Variants in NDUFA10 observed in about 807,000 individuals in gnomAD.
NDUFA10 encodes the protein NADH:ubiquinone oxidoreductase subunit A10, also known as NADH dehydrogenase [ubiquinone] 1 alpha subcomplex subunit 10, mitochondrial.
NDUFA10 carries 40 observed loss-of-function variants against 47.8 expected under a neutral mutation model. The ratio of observed to expected loss-of-function variants is 0.84; its 90% confidence interval spans 0.65 to 1.09. NDUFA10 has a LOEUF of 1.09. Among genes scored for constraint, NDUFA10 ranks in the 50% least tolerant of loss-of-function variants. NDUFA10 has a pLI of 0.00. For synonymous variants in NDUFA10, 183 were observed against 172.2 expected, an observed-to-expected ratio of 1.06 and a Z score of -0.49; for missense variants, 413 against 451.1, an observed-to-expected ratio of 0.92 and a Z score of 0.76.
Position 239,959,261 on chromosome 2 carries a change from G to A in NDUFA10, c.*1857C>T, listed in dbSNP as rs1416613544. 1 of 985,336 alleles carries A rather than the reference G, an allele frequency of 1.0e-6. No individual in the cohort carries two copies. The highest frequency in any genetic ancestry group is 1.7e-5 in the African/African-American group (1 of 57,252). 61.0% of individuals were successfully genotyped at this position (985,336 alleles called of 1,614,324 possible). ...TGCCGACACGGAGCCCTGCATGGTTGGAGAGCTCTGCCCCTCACAAGGGCA... is the reference window on the plus strand; with the variant it reads ...TGCCGACACGGAGCCCTGCATGGTTAGAGAGCTCTGCCCCTCACAAGGGCA... On this transcript the variant is annotated 3_prime_UTR_variant, in exon 10 of 10. Coordinates refer to ENST00000252711, the MANE Select transcript of NDUFA10 (RefSeq NM_004544.4).
chr2:239,955,223 A>C (rs1574804511), downstream of NDUFA10, among the ~76,000 whole-genome samples: 1 of 152,242 alleles, frequency 6.6e-6, no homozygotes, highest in Non-Finnish European at 1.5e-5. Context: ...ACCTCTTAAC[A>C]CTGGGGCGGG....
rs79534017 is a variant in NDUFA10, at chr2:239,968,820, T to C, written c.1000-7634A>G. Among the ~76,000 whole-genome samples the C allele has an allele frequency of 6.9e-4, 105 of 152,252 alleles. 2 individuals carry two copies. In the East Asian group the frequency reaches 0.019, roughly 28 times the overall value. On this transcript the variant is annotated intron_variant, in intron 9 of 9. Coordinates refer to ENST00000252711, the MANE Select transcript of NDUFA10 (RefSeq NM_004544.4). ...ATGACTCCCAGAGTTCACTTAGGGC[T>C]GAGAGTCGGCGAGCTCCCACTGGCC...
chr2:239,926,753 G>A (rs140372455), intron 4 of NDUFA10, among the ~76,000 whole-genome samples: 14 of 152,282 alleles, frequency 9.2e-5, no homozygotes, highest in African/African-American at 3.1e-4. Flanking sequence ...ACAGGAGGTG[G>A]AGGTGGAAGA....
chr2:240,025,316 C>G lies in NDUFA10; in HGVS notation c.-15G>C. On this transcript the variant is annotated 5_prime_UTR_variant, in exon 1 of 10. Transcript: ENST00000252711. ...CGCAAGGCCATGGCTACCCGGTCAG[C>G]TCAGGATCAAGGACCCAAGGGGACG... 1 of 1,498,706 alleles carries G rather than the reference C, an allele frequency of 6.7e-7. No individual in the cohort carries two copies. The highest frequency in any genetic ancestry group is 8.9e-7 in the Non-Finnish European group (1 of 1,127,344). 92.8% of individuals were successfully genotyped at this position (1,498,706 alleles called of 1,614,324 possible).
intron 9 of NDUFA10, among the ~76,000 whole-genome samples, chr2:239,964,747 G>A (rs930264586): frequency 2.0e-5 from 3 of 152,184 alleles, no homozygotes; most frequent in Admixed American, 1.3e-4. Context: ...CACGACTGCC[G>A]CAGCCAGGAA....
intron 9 of NDUFA10, among the ~76,000 whole-genome samples, chr2:239,984,521 T>C (rs565844224): frequency 3.3e-5 from 5 of 152,370 alleles, no homozygotes; most frequent in African/African-American, 1.2e-4. Flanking sequence ...CCCAATATCA[T>C]ATATTCTCTT....
At chr2:239,898,603 C>T (rs928665657) in intron 4 of NDUFA10, among the ~76,000 whole-genome samples, 2 of 152,232 alleles carry the variant, frequency 1.3e-5, no homozygotes, top group African/African-American at 2.4e-5. Flanking sequence ...TCCAGGAACG[C>T]CTCTCCTTCC....
chr2:240,006,442 T>A (rs2106473293), intron 7 of NDUFA10, among the ~76,000 whole-genome samples: 1 of 152,252 alleles, frequency 6.6e-6, no homozygotes, highest in South Asian at 2.1e-4. Flanking sequence ...ACCCTCCCAA[T>A]GCTGAGAGGC....
At chr2:239,950,980 G>A (rs777814309) in intron 4 of NDUFA10, among the ~76,000 whole-genome samples, 5 of 152,216 alleles carry the variant, frequency 3.3e-5, no homozygotes, top group Non-Finnish European at 7.3e-5. Context: ...AGTACGTTCC[G>A]CTTCAGCCCC....
In NDUFA10 at chr2:239,899,194, GA is replaced by G. The variant is rs1693481683; in HGVS notation, c.295-3881del. ...GGTGTAAAGGAGGGGTGTGATGGAGGAGTGTGATGGAGGGGTGTGGAGGGGT... is the reference window on the plus strand; with the variant it reads ...GGTGTAAAGGAGGGGTGTGATGGAGGGTGTGATGGAGGGGTGTGGAGGGGT... On this transcript the variant is annotated intron_variant, in intron 4 of 5. Transcript: ENST00000419408. Among the ~76,000 whole-genome samples, 2 of 20,646 alleles carry G rather than the reference GA, an allele frequency of 9.7e-5. 1 individual carries two copies. The highest frequency in any genetic ancestry group is 2.6e-4 in the Non-Finnish European group (2 of 7,568). 13.5% of individuals were successfully genotyped at this position (20,646 alleles called of 152,430 possible). A position where few individuals can be genotyped will look rare whatever the true frequency, so the allele number is the denominator to read the frequency against.
downstream of NDUFA10, among the ~76,000 whole-genome samples, chr2:239,953,392 A>G (rs558583341): frequency 6.6e-6 from 1 of 152,318 alleles, no homozygotes; most frequent in East Asian, 1.9e-4. Context: ...ACTTAGGATA[A>G]TAGATCTGTG....
At chr2:239,955,657 A>C (rs1039785332), downstream of NDUFA10, among the ~76,000 whole-genome samples, 1 of 152,170 alleles carries the variant, frequency 6.6e-6, no homozygotes, top group East Asian at 1.9e-4. Context: ...CTGTTGGCTG[A>C]CTTGGCCATG....
chr2:239,893,032 A>T (rs1455466994), intron 5 of NDUFA10, among the ~76,000 whole-genome samples: 1 of 152,090 alleles, frequency 6.6e-6, no homozygotes, highest in Non-Finnish European at 1.5e-5. Context: ...GGGAGCCGGG[A>T]CCCTCACTGG....
intron 9 of NDUFA10, chr2:239,969,771 A>G: frequency 2.1e-6 from 1 of 471,394 alleles, no homozygotes; most frequent in South Asian, 1.5e-5. Context: ...ACCTAAACCA[A>G]CACAATGCAA....
At chr2:239,961,295 A>G (rs1694844968) in intron 9 of NDUFA10, 109 bp from the exon 10 acceptor site, 1 of 1,577,158 alleles carries the variant, frequency 6.3e-7, no homozygotes, top group South Asian at 1.2e-5. Flanking sequence ...GAGTTCCTTC[A>G]GCAATGCTGG....
chr2:239,988,887 CAGAA>C (rs1696120490), intron 9 of NDUFA10, among the ~76,000 whole-genome samples: 1 of 145,446 alleles, frequency 6.9e-6, no homozygotes, highest in Admixed American at 7.7e-5. Context: ...TGTACAAGGA[CAGAA>C]AGGGAGACAC....
intron 9 of NDUFA10, among the ~76,000 whole-genome samples, chr2:239,969,170 C>T (rs1287700015): frequency 6.6e-6 from 1 of 152,160 alleles, no homozygotes; most frequent in East Asian, 1.9e-4. Flanking sequence ...ATCAAGCCAA[C>T]TCAGAACTGA....
intron 4 of NDUFA10, among the ~76,000 whole-genome samples, chr2:239,940,738 A>T (rs1694346396): frequency 6.6e-6 from 1 of 152,240 alleles, no homozygotes; most frequent in Non-Finnish European, 1.5e-5. Flanking sequence ...GAGATCAGAG[A>T]TATTTAAATC....
rs1013019993 is a variant in NDUFA10 at position 239,970,692 on chromosome 2, G to T, written c.1000-9506C>A. 2.6e-5 allele frequency among the ~76,000 whole-genome samples: 4 copies of T among 152,218 alleles called. No homozygotes were observed. In the South Asian group the frequency reaches 8.3e-4, roughly 32 times the overall value. ...GTGTGAGGCGGTTAAATGCTGACAAGGTGTGGATTGACTGTGACAAGTTAG... is the reference window on the plus strand; with the variant it reads ...GTGTGAGGCGGTTAAATGCTGACAATGTGTGGATTGACTGTGACAAGTTAG... On this transcript the variant is annotated intron_variant, in intron 9 of 9. Coordinates refer to ENST00000252711, the MANE Select transcript of NDUFA10 (RefSeq NM_004544.4).
Sources: allele counts gnomAD v4.1 joint callset (sites outside exome capture counted in the v4.1 genomes callset), GRCh38; gene constraint gnomAD v4.1.1; transcripts MANE v1.5; gene names NCBI Gene and HGNC (gene_info 2026-07-23, HGNC 2026-07-21).